Variants in GRIN2A observed in about 807,000 individuals in gnomAD.
GRIN2A encodes glutamate receptor ionotropic, NMDA 2A.
GRIN2A carries 22 observed loss-of-function variants against 113.4 expected under a neutral mutation model. The observed-to-expected ratio is 0.19, with a 90% CI of 0.14 to 0.28. The LOEUF (loss-of-function observed/expected upper bound fraction) is 0.28, where lower values mean the gene tolerates loss of function less well. Among genes scored for constraint, GRIN2A ranks in the 10% least tolerant of loss-of-function variants. GRIN2A has a pLI of 1.00. For missense variants in GRIN2A, 1,502 were observed against 1,887.0 expected, an observed-to-expected ratio of 0.80 and a Z score of 3.78; for synonymous variants, 827 against 738.4, an observed-to-expected ratio of 1.12 and a Z score of -1.94.
intron 2 of GRIN2A, among the ~76,000 whole-genome samples, chr16:10,054,111 G>C (rs983339505): frequency 5.3e-5 from 8 of 152,026 alleles, no homozygotes; most frequent in African/African-American, 1.9e-4. Flanking sequence ...AAGAAACAAA[G>C]CTAAAAAAAG....
intron 2 of GRIN2A, among the ~76,000 whole-genome samples, chr16:10,150,951 A>G (rs774250192): frequency 1.5e-4 from 23 of 152,144 alleles, no homozygotes; most frequent in Non-Finnish European, 2.5e-4. Context: ...GGTAGATACT[A>G]ATATATCTGT....
intron 2 of GRIN2A, among the ~76,000 whole-genome samples, chr16:10,020,848 C>A (rs2046707406): frequency 6.6e-6 from 1 of 152,150 alleles, no homozygotes. Flanking sequence ...TAGCAGGGGT[C>A]CTACCTGTAC....
At chr16:10,121,333 T>G (rs913967950) in intron 2 of GRIN2A, 8 of 152,206 alleles carry the variant, frequency 5.3e-5, no homozygotes, top group African/African-American at 1.9e-4. Context: ...CCTACCTTGT[T>G]TGGGGACACC....
chr16:10,080,875 C>T (rs1015919356), intron 2 of GRIN2A, among the ~76,000 whole-genome samples: 5 of 152,148 alleles, frequency 3.3e-5, no homozygotes, highest in Non-Finnish European at 7.4e-5. Context: ...GCCACATCTC[C>T]ACCCTCCAAG....
At chr16:10,165,707 G>C (rs1160749858) in intron 2 of GRIN2A, among the ~76,000 whole-genome samples, 2 of 86,410 alleles carry the variant, frequency 2.3e-5, no homozygotes, top group Non-Finnish European at 4.8e-5. Context: ...GAGAAAGGAG[G>C]GGAGGGGAGA....
chr16:9,803,205 G>A (rs1488448643), intron 10 of GRIN2A, among the ~76,000 whole-genome samples: 1 of 152,112 alleles, frequency 6.6e-6, no homozygotes, highest in Non-Finnish European at 1.5e-5. Context: ...GGGAGTTTGA[G>A]ACCAGCTTGA....
chr16:10,166,478 C>G (rs910566588), intron 2 of GRIN2A, among the ~76,000 whole-genome samples: 2 of 152,142 alleles, frequency 1.3e-5, no homozygotes, highest in African/African-American at 2.4e-5. Flanking sequence ...TAGGGGCAGG[C>G]ACCCAGGACA....
chr16:9,799,977 T>C (rs1167795621), intron 10 of GRIN2A, among the ~76,000 whole-genome samples: 1 of 151,524 alleles, frequency 6.6e-6, no homozygotes, highest in Non-Finnish European at 1.5e-5. Context: ...TTATTATTAT[T>C]ATTATTATTA....
chr16:9,963,418 G>A (rs2045482307), intron 2 of GRIN2A, among the ~76,000 whole-genome samples: 3 of 151,910 alleles, frequency 2.0e-5, no homozygotes. Flanking sequence ...TTGTCCTAAT[G>A]CTCTCCCTCC....
intron 3 of GRIN2A, among the ~76,000 whole-genome samples, chr16:9,932,056 A>C (rs1022272096): frequency 1.3e-5 from 2 of 152,226 alleles, no homozygotes; most frequent in African/African-American, 4.8e-5. Flanking sequence ...TGAGTCACCC[A>C]GATCCTACTC....
chr16:9,780,994 C>CTTT lies in GRIN2A; in HGVS notation c.2357-11908_2357-11906dup, dbSNP rs5815547. On this transcript the variant is annotated intron_variant, in intron 11 of 12. Coordinates refer to ENST00000330684, the MANE Select transcript of GRIN2A (RefSeq NM_001134407.3). Reference sequence around the variant, plus strand: ...ATTGTTTAAGCCAGAGGTCACTAATCTTTTTTTTTTTTTATGGTAAACGGC... The same window carrying CTTT: ...ATTGTTTAAGCCAGAGGTCACTAATCTTTTTTTTTTTTTTTTATGGTAAACGGC... 3.1e-3 allele frequency among the ~76,000 whole-genome samples: 453 copies of CTTT among 145,322 alleles called. 4 individuals carry two copies. The highest frequency in any genetic ancestry group is 7.1e-3 in the African/African-American group (280 of 39,356).
chr16:9,802,361 C>CAAAG (rs1903415293), intron 10 of GRIN2A, among the ~76,000 whole-genome samples: 1 of 152,036 alleles, frequency 6.6e-6, no homozygotes, highest in African/African-American at 2.4e-5. Flanking sequence ...GCAGCCATGA[C>CAAAG]AAAGAACAAC....
chr16:10,108,460 T>C lies in GRIN2A; in HGVS notation c.414+71538A>G, dbSNP rs140401984. ...GTGGGGACACAGCCAAACCATATCA[T>C]TGGGTCTCAGAGAAGTAATTGCCTC... On this transcript the variant is annotated intron_variant, in intron 2 of 12. Transcript: ENST00000330684. Among the ~76,000 whole-genome samples, 574 of 152,304 alleles carry C rather than the reference T, an allele frequency of 3.8e-3. 3 individuals carry two copies. The highest frequency in any genetic ancestry group is 0.013 in the African/African-American group (531 of 41,572).
intron 2 of GRIN2A, among the ~76,000 whole-genome samples, chr16:10,145,343 AC>A (rs2049417553): frequency 6.6e-6 from 1 of 152,236 alleles, no homozygotes; most frequent in Non-Finnish European, 1.5e-5. Flanking sequence ...TACAACAACA[AC>A]AAAAACAAAA....
chr16:9,959,315 C>A (rs1413961850), intron 2 of GRIN2A, among the ~76,000 whole-genome samples: 1 of 152,190 alleles, frequency 6.6e-6, no homozygotes, highest in Non-Finnish European at 1.5e-5. Flanking sequence ...CAACCAGCTT[C>A]CATCCCTAAA....
intron 4 of GRIN2A, among the ~76,000 whole-genome samples, chr16:9,871,097 G>A (rs1371976200): frequency 6.6e-6 from 1 of 151,954 alleles, no homozygotes; most frequent in East Asian, 1.9e-4. Flanking sequence ...CACAGCAACA[G>A]ATTTCCTGCC....
chr16:9,758,938 C>G lies in GRIN2A; in HGVS notation c.*4211G>C, dbSNP rs1156487518. 1 of 221,500 alleles carries G rather than the reference C, an allele frequency of 4.5e-6. No individual in the cohort carries two copies. The highest frequency in any genetic ancestry group is 9.0e-6 in the Non-Finnish European group (1 of 110,674). 13.7% of individuals were successfully genotyped at this position (221,500 alleles called of 1,614,324 possible). A position where few individuals can be genotyped will look rare whatever the true frequency, so the allele number is the denominator to read the frequency against. ...ATAGAACCCTTCACTCATTAAATAT[C>G]AAGCAACACATTTAGCTTCCACCTA... On this transcript the variant is annotated 3_prime_UTR_variant, in exon 13 of 13. Transcript: ENST00000330684.
chr16:10,119,334 T>C (rs934486455), intron 2 of GRIN2A, among the ~76,000 whole-genome samples: 1 of 151,636 alleles, frequency 6.6e-6, no homozygotes, highest in Non-Finnish European at 1.5e-5. Context: ...GTGGATATCT[T>C]TGCTGTTACT....
chr16:9,962,611 C>A (rs986429473), intron 2 of GRIN2A, among the ~76,000 whole-genome samples: 1 of 152,096 alleles, frequency 6.6e-6, no homozygotes, highest in African/African-American at 2.4e-5. Flanking sequence ...AGTCAGGAAA[C>A]AACAGGTGCT....
Sources: allele counts gnomAD v4.1 joint callset (sites outside exome capture counted in the v4.1 genomes callset), GRCh38; gene constraint gnomAD v4.1.1; transcripts MANE v1.5; gene names NCBI Gene and HGNC (gene_info 2026-07-23, HGNC 2026-07-21).